Variants in SND1 observed in about 807,000 individuals in gnomAD.
SND1 encodes staphylococcal nuclease domain-containing protein 1.
In SND1, 38 loss-of-function variants were observed where a neutral mutation model predicts 121.7. The observed-to-expected ratio is 0.31, with a 90% CI of 0.24 to 0.41. The LOEUF is 0.41. Ranked by LOEUF, SND1 falls within the 10% of genes least tolerant of loss-of-function variation. The pLI, the probability that SND1 is intolerant of heterozygous loss-of-function variation, is 1.00. For synonymous variants in SND1, 401 were observed against 447.4 expected, an observed-to-expected ratio of 0.90 and a Z score of 1.31; for missense variants, 868 against 1,184.6, an observed-to-expected ratio of 0.73 and a Z score of 3.92.
chr7:127,994,741 T>C (rs146578245), intron 16 of SND1, among the ~76,000 whole-genome samples: 2,362 of 152,146 alleles, frequency 0.016, 64 homozygotes, highest in African/African-American at 0.053. Context: ...AAACGGAGTC[T>C]CGCTCTGTCG....
At chr7:127,936,703 C>G (rs1801069340) in intron 15 of SND1, among the ~76,000 whole-genome samples, 1 of 151,960 alleles carries the variant, frequency 6.6e-6, no homozygotes, top group Admixed American at 6.6e-5. Flanking sequence ...GCCACCACAC[C>G]TGGCTAATAT....
intron 1 of SND1, among the ~76,000 whole-genome samples, chr7:127,678,143 C>T (rs1023942605): frequency 5.9e-5 from 9 of 152,110 alleles, no homozygotes; most frequent in Non-Finnish European, 1.0e-4. Flanking sequence ...AAATCAGCTC[C>T]CAAATGCTTG....
intron 16 of SND1, among the ~76,000 whole-genome samples, chr7:128,054,019 G>C (rs1793093802): frequency 6.6e-6 from 1 of 152,232 alleles, no homozygotes; most frequent in South Asian, 2.1e-4. Context: ...AAATGGGCCT[G>C]CTGCTGCCCA....
intron 10 of SND1, among the ~76,000 whole-genome samples, chr7:127,734,255 A>G (rs1406694429): frequency 6.6e-6 from 1 of 152,150 alleles, no homozygotes; most frequent in Non-Finnish European, 1.5e-5. Flanking sequence ...TTCCAGTGAA[A>G]GGAGATATAA....
chr7:128,064,589 G>A (rs949344331), intron 16 of SND1, among the ~76,000 whole-genome samples: 1 of 152,222 alleles, frequency 6.6e-6, no homozygotes, highest in Non-Finnish European at 1.5e-5. Flanking sequence ...GAGAGATTCA[G>A]AATGGGACTC....
rs1563058952 is a variant in SND1, at chr7:127,922,187, T to TG, written c.1528-7001_1528-7000insG. Among the ~76,000 whole-genome samples the TG allele has an allele frequency of 4.2e-5, 4 of 94,660 alleles. 1 individual carries two copies. The highest frequency in any genetic ancestry group is 1.4e-4 in the African/African-American group (4 of 28,270). 62.1% of individuals were successfully genotyped at this position (94,660 alleles called of 152,430 possible). A position where few individuals can be genotyped will look rare whatever the true frequency, so the allele number is the denominator to read the frequency against. On this transcript the variant is annotated intron_variant, in intron 14 of 23. Coordinates refer to ENST00000354725, the MANE Select transcript of SND1 (RefSeq NM_014390.4). The stretch of plus-strand genomic sequence containing the variant: ...CTTTTTTTCTTTCCTTTTTTTTTTT[T>TG]TTTTTTTTTTTTTTTTGTTTTGTGA...
At chr7:127,940,227 T>TGTCTC (rs562657102) in intron 15 of SND1, among the ~76,000 whole-genome samples, 77 of 152,300 alleles carry the variant, frequency 5.1e-4, no homozygotes, top group Admixed American at 3.6e-3. Flanking sequence ...AAACAGCACC[T>TGTCTC]GTCTCGTTGG....
intron 11 of SND1, among the ~76,000 whole-genome samples, chr7:127,833,185 G>A (rs1272569611): frequency 1.3e-5 from 2 of 151,718 alleles, no homozygotes; most frequent in African/African-American, 4.9e-5. Context: ...CTTATTTAGG[G>A]GTTATTGAAC....
At chr7:127,688,085 G>A (rs1795847678) in intron 2 of SND1, among the ~76,000 whole-genome samples, 1 of 152,122 alleles carries the variant, frequency 6.6e-6, no homozygotes, top group Admixed American at 6.6e-5. Context: ...TTTAGAGAGG[G>A]AGTTTTAAAA....
intron 22 of SND1, 103 bp downstream of exon 22, chr7:128,089,795 T>C (rs1793747421): frequency 9.6e-7 from 1 of 1,043,034 alleles, no homozygotes; most frequent in Non-Finnish European, 1.4e-6. Flanking sequence ...ACCATCCTGC[T>C]GTTCCTGCTG....
rs547880988 is a variant in SND1 at position 128,087,139 on chromosome 7, T to A, written c.2418+88T>A. The A allele has an allele frequency of 3.1e-6, 3 of 965,368 alleles. No individual in the cohort carries two copies. In the African/African-American group the frequency reaches 4.9e-5, roughly 16 times the overall value. 59.8% of individuals were successfully genotyped at this position (965,368 alleles called of 1,614,324 possible). A position where few individuals can be genotyped will look rare whatever the true frequency, so the allele number is the denominator to read the frequency against. On this transcript the variant is annotated intron_variant, in intron 21 of 23. Coordinates refer to ENST00000354725, the MANE Select transcript of SND1 (RefSeq NM_014390.4). ...GCCCTCATGGGCTGACAGGAGAAGA[T>A]GGAAACTATGATGGTCTCTTAGTAA... is the stretch of plus-strand genomic sequence containing the variant.
intron 3 of SND1, among the ~76,000 whole-genome samples, chr7:127,696,750 T>C (rs568337552): frequency 6.6e-6 from 1 of 152,354 alleles, no homozygotes; most frequent in Non-Finnish European, 1.5e-5. Flanking sequence ...AAATTATCTG[T>C]AGAGTTGTTT....
chr7:128,027,664 A>C (rs1803516740), intron 16 of SND1: 1 of 152,184 alleles, frequency 6.6e-6, no homozygotes, highest in African/African-American at 2.4e-5. Flanking sequence ...ACCTTAAAAC[A>C]AACAAAATCT....
At chr7:128,083,071 C>T (rs1445398136) in intron 18 of SND1, among the ~76,000 whole-genome samples, 1 of 152,204 alleles carries the variant, frequency 6.6e-6, no homozygotes, top group Admixed American at 6.5e-5. Context: ...GGAGATGAAC[C>T]TCAGGATCCA....
intron 3 of SND1, among the ~76,000 whole-genome samples, chr7:127,696,380 A>G (rs993659885): frequency 1.3e-5 from 2 of 152,124 alleles, no homozygotes; most frequent in Non-Finnish European, 2.9e-5. Context: ...AATTATAGAA[A>G]CCTAAGGCCT....
intron 16 of SND1, among the ~76,000 whole-genome samples, chr7:128,060,516 A>G (rs1164822975): frequency 2.6e-5 from 4 of 152,184 alleles, no homozygotes; most frequent in Non-Finnish European, 5.9e-5. Flanking sequence ...TGCTTAAAAT[A>G]AAGGATGGGG....
chr7:127,926,549 C>CTTTTTTTTTTTTTTTTTTTTT (rs71160605), intron 14 of SND1, among the ~76,000 whole-genome samples: 1 of 90,558 alleles, frequency 1.1e-5, no homozygotes, highest in Non-Finnish European at 2.0e-5. Flanking sequence ...TTTTCTTTTT[C>CTTTTTTTTTTTTTTTTTTTTT]TTTTTTTTTT....
chr7:127,754,157 A>G (rs566437661), intron 10 of SND1, among the ~76,000 whole-genome samples: 1 of 152,354 alleles, frequency 6.6e-6, no homozygotes, highest in African/African-American at 2.4e-5. Flanking sequence ...TATTTGGAGA[A>G]TAGAAAATGA....
intron 11 of SND1, among the ~76,000 whole-genome samples, chr7:127,839,283 G>A (rs1179992416): frequency 6.6e-6 from 1 of 152,140 alleles, no homozygotes; most frequent in Non-Finnish European, 1.5e-5. Flanking sequence ...GAGACAAGGT[G>A]TTTATTTAGC....
Sources: allele counts gnomAD v4.1 joint callset (sites outside exome capture counted in the v4.1 genomes callset), GRCh38; gene constraint gnomAD v4.1.1; transcripts MANE v1.5; gene names NCBI Gene and HGNC (gene_info 2026-07-23, HGNC 2026-07-21).